FNIP2: variants seen among roughly 807,000 people sequenced by gnomAD.
The protein encoded by FNIP2 is folliculin interacting protein 2, also known as folliculin-interacting protein 2.
A neutral mutation model predicts 108.7 loss-of-function variants in FNIP2; 32 were observed. The observed-to-expected ratio is 0.29, with a 90% confidence interval of 0.22 to 0.40. The LOEUF (loss-of-function observed/expected upper bound fraction) is 0.40, where lower values mean the gene tolerates loss of function less well. Among genes scored for constraint, FNIP2 ranks in the 10% least tolerant of loss-of-function variants. The pLI, the probability that FNIP2 is intolerant of heterozygous loss-of-function variation, is 1.00. For synonymous variants in FNIP2, 480 were observed against 496.7 expected, an observed-to-expected ratio of 0.97 and a Z score of 0.45; for missense variants, 1,202 against 1,381.6, an observed-to-expected ratio of 0.87 and a Z score of 2.06.
intron 16 of FNIP2, 94 bp from the exon 17 acceptor site, chr4:158,904,372 C>A: frequency 8.9e-7 from 1 of 1,121,842 alleles, no homozygotes; most frequent in Non-Finnish European, 1.3e-6. Flanking sequence ...AAACTTAGTA[C>A]CTAGAAATAA....
chr4:158,885,789 G>GT (rs1426676936), intron 14 of FNIP2, among the ~76,000 whole-genome samples: 1 of 152,212 alleles, frequency 6.6e-6, no homozygotes, highest in Non-Finnish European at 1.5e-5. Context: ...TCCACAGCTG[G>GT]TAAGTGACGG....
chr4:158,859,956 C>T (rs916215654), intron 10 of FNIP2, among the ~76,000 whole-genome samples: 1 of 152,186 alleles, frequency 6.6e-6, no homozygotes, highest in African/African-American at 2.4e-5. Flanking sequence ...TATCTTATGT[C>T]AGCCTCACAA....
intron 7 of FNIP2, among the ~76,000 whole-genome samples, chr4:158,838,324 C>T (rs1778925739): frequency 6.6e-6 from 1 of 150,922 alleles, no homozygotes; most frequent in Non-Finnish European, 1.5e-5. Context: ...AAGCTTAAGC[C>T]ATCCTCCCAC....
rs1314717333 is a variant in FNIP2, at chr4:158,879,112, G to A, written c.2949+8643G>A. 2.0e-5 allele frequency among the ~76,000 whole-genome samples: 3 copies of A among 150,212 alleles called. 1 individual carries two copies. The highest frequency in any genetic ancestry group is 5.0e-5 in the African/African-American group (2 of 40,286). ...TATGCAGAAAGAGAATAGAGAAAAT[G>A]AGGGAAAGTAATATTCAAAGAAAGA... On this transcript the variant is annotated intron_variant, in intron 14 of 16. Coordinates refer to ENST00000264433, the MANE Select transcript of FNIP2 (RefSeq NM_020840.3).
At chr4:158,813,513 A>AT (rs1296197865) in intron 1 of FNIP2, among the ~76,000 whole-genome samples, 1 of 152,026 alleles carries the variant, frequency 6.6e-6, no homozygotes, top group Non-Finnish European at 1.5e-5. Flanking sequence ...TCCTTTGCCC[A>AT]TTTTTTCATC....
At chr4:158,900,181 CTAATT>C (rs1358103833) in intron 16 of FNIP2, among the ~76,000 whole-genome samples, 1 of 152,162 alleles carries the variant, frequency 6.6e-6, no homozygotes, top group African/African-American at 2.4e-5. Context: ...ATCCTGAGTT[CTAATT>C]TGATTGCACT....
At chr4:158,860,342 A>G (rs1432242554) in intron 10 of FNIP2, among the ~76,000 whole-genome samples, 1 of 152,182 alleles carries the variant, frequency 6.6e-6, no homozygotes, top group Non-Finnish European at 1.5e-5. Context: ...AATCCTTTGA[A>G]TGTTAGAACA....
intron 14 of FNIP2, among the ~76,000 whole-genome samples, chr4:158,877,963 C>T (rs1039405352): frequency 1.3e-5 from 2 of 151,666 alleles, no homozygotes; most frequent in Non-Finnish European, 2.9e-5. Flanking sequence ...CCTCACCCAC[C>T]GACCAGCCAA....
At chr4:158,896,334 C>T (rs990204289) in intron 16 of FNIP2, among the ~76,000 whole-genome samples, 3 of 152,090 alleles carry the variant, frequency 2.0e-5, no homozygotes, top group Non-Finnish European at 4.4e-5. Context: ...ACAGTGCTTT[C>T]CTTCCTTTAT....
intron 15 of FNIP2, among the ~76,000 whole-genome samples, chr4:158,892,682 T>A (rs1400503829): frequency 1.3e-5 from 2 of 152,116 alleles, no homozygotes; most frequent in African/African-American, 4.8e-5. Context: ...AGAGCTTGGA[T>A]GGGCTGACCT....
chr4:158,835,730 A>G (rs969799980), intron 7 of FNIP2: 3 of 273,506 alleles, frequency 1.1e-5, no homozygotes, highest in Admixed American at 4.7e-5. Flanking sequence ...TCTTTCCAGA[A>G]TGAAGCTTCC....
chr4:158,776,407 G>T (rs6853442), intron 1 of FNIP2, among the ~76,000 whole-genome samples: 54,996 of 152,010 alleles, frequency 0.36, 10,391 homozygotes, highest in Middle Eastern at 0.47. Context: ...AATTGATTCT[G>T]GCTTTAACAC....
intron 1 of FNIP2, among the ~76,000 whole-genome samples, chr4:158,780,195 G>A (rs192332288): frequency 6.6e-6 from 1 of 151,586 alleles, no homozygotes; most frequent in Admixed American, 6.6e-5. Flanking sequence ...GTGACAGAGG[G>A]AGACCCTGTC....
chr4:158,900,443 G>C (rs1364835830), intron 16 of FNIP2, among the ~76,000 whole-genome samples: 1 of 152,162 alleles, frequency 6.6e-6, no homozygotes, highest in Admixed American at 6.5e-5. Context: ...GGGTGTTAAA[G>C]TCTCCCATTA....
intron 8 of FNIP2, among the ~76,000 whole-genome samples, chr4:158,853,084 AATAATAT>A (rs1257193588): frequency 7.9e-5 from 12 of 152,090 alleles, no homozygotes; most frequent in Admixed American, 2.6e-4. Flanking sequence ...ATAGATGAAT[AATAATAT>A]AAACTAATAA....
intron 16 of FNIP2, 64 bp from the exon 17 acceptor site, chr4:158,904,402 A>G: frequency 7.2e-7 from 1 of 1,386,984 alleles, no homozygotes; most frequent in South Asian, 1.2e-5. Flanking sequence ...ATAAAAAGAA[A>G]TAATACTTTC....
chr4:158,827,325 A>G (rs1334408325), intron 2 of FNIP2, among the ~76,000 whole-genome samples: 4 of 152,224 alleles, frequency 2.6e-5, no homozygotes, highest in African/African-American at 7.2e-5. Flanking sequence ...TTGAGCAGCT[A>G]TCACTGGGGC....
intron 7 of FNIP2, among the ~76,000 whole-genome samples, chr4:158,842,312 T>G (rs1289868855): frequency 6.6e-6 from 1 of 152,226 alleles, no homozygotes; most frequent in Non-Finnish European, 1.5e-5. Flanking sequence ...ATACTGGTAT[T>G]GAGAAATTGT....
chr4:158,801,534 G>A (rs1776763153), intron 1 of FNIP2, among the ~76,000 whole-genome samples: 4 of 152,188 alleles, frequency 2.6e-5, no homozygotes, highest in African/African-American at 9.7e-5. Context: ...CTGGATTTAA[G>A]GCCTGGCTCT....
Sources: gnomAD v4.1 joint callset for allele counts (sites outside exome capture counted in the v4.1 genomes callset) on GRCh38, gnomAD v4.1.1 for gene constraint, MANE v1.5 for transcripts, NCBI Gene and HGNC (gene_info 2026-07-23, HGNC 2026-07-21) for gene names.